The following CASKIN1 variants were observed in gnomAD, a reference collection of about 807,000 sequenced individuals.
CASKIN1 encodes caskin-1.
CASKIN1 carries 42 observed loss-of-function variants against 117.5 expected under a neutral mutation model. The ratio of observed to expected loss-of-function variants is 0.36; its 90% confidence interval spans 0.28 to 0.46. The LOEUF is 0.46. Ranked by LOEUF, CASKIN1 falls within the 20% of genes least tolerant of loss-of-function variation. The pLI, the probability that CASKIN1 is intolerant of heterozygous loss-of-function variation, is 1.00. For missense variants in CASKIN1, 2,083 were observed against 2,077.3 expected, an observed-to-expected ratio of 1.00 and a Z score of -0.05; for synonymous variants, 1,148 against 961.7, an observed-to-expected ratio of 1.19 and a Z score of -3.59.
In CASKIN1 at chr16:2,180,569, G is replaced by A. The variant is rs756252877; in HGVS notation, c.2799C>T (p.Ser933=). 3 of 1,564,218 alleles carry A rather than the reference G, an allele frequency of 1.9e-6. No individual in the cohort carries two copies. In the Admixed American group the frequency reaches 5.5e-5, roughly 29 times the overall value. ...TTCGGGGCCGCACGGCAAAGGACTG[G>A]CTGCGGTTGACGTTCTTGTCGGCAC... ...PAGADKNVNR[S]QSFAVRPRKK... is the part of the protein sequence containing the mutation. Residue 933 remains serine, a synonymous_variant, in exon 18 of 20, where the codon AGC becomes AGT. Transcript: ENST00000343516.
chr16:2,188,535 G>C (rs749942222), intron 6 of CASKIN1, among the ~76,000 whole-genome samples: 2 of 151,494 alleles, frequency 1.3e-5, no homozygotes, highest in South Asian at 4.2e-4. Context: ...ATTTTTTGTA[G>C]AGATGGGGTC....
Position 2,181,870 on chromosome 16 carries a change from C to A in CASKIN1, c.1689G>T (p.Val563=). 6.2e-7 allele frequency: 1 copy of A among 1,613,806 alleles called. No homozygotes were observed. The highest frequency in any genetic ancestry group is 1.3e-5 in the African/African-American group (1 of 75,000). Residue 563 remains valine, a synonymous_variant, in exon 17 of 20, where the codon GTG becomes GTT. Transcript: ENST00000343516. ...AATCAATGTTCTCGTAGCCATTGTC[C>A]ACCAACACCTTGTAGTACTGGGCCA... ...IGLAQYYKVL[V]DNGYENIDFI...
At chr16:2,184,059 C>T in intron 14 of CASKIN1, 118 bp from the exon 15 acceptor site, 2 of 655,772 alleles carry the variant, frequency 3.0e-6, no homozygotes, top group East Asian at 5.6e-5. Context: ...CCGTCCGCTG[C>T]TCCATCTGCA....
In CASKIN1 at chr16:2,178,456, C is replaced by A; in HGVS notation, c.*94G>T. ...TGTGCTTCTGCAGGGCCCTGCCCGG[C>A]CGCTCGCGCCGCGCCCAGACGCGCC... On this transcript the variant is annotated 3_prime_UTR_variant, in exon 20 of 20. Coordinates refer to ENST00000343516, the MANE Select transcript of CASKIN1 (RefSeq NM_020764.4). 1 of 1,006,522 alleles carries A rather than the reference C, an allele frequency of 9.9e-7. No homozygotes were observed. Among genetic ancestry groups the A allele is most frequent in the Non-Finnish European group, 1.4e-6 (1 of 733,444 alleles). The allele number at this position is 1,006,522 out of a possible 1,614,324, so 62.3% of individuals were successfully genotyped here.
At chr16:2,189,953 T>G in intron 3 of CASKIN1, 120 bp downstream of exon 3, 2 of 797,582 alleles carry the variant, frequency 2.5e-6, no homozygotes, top group Non-Finnish European at 3.9e-6. Context: ...CAGGAGGACC[T>G]GCCTGAAATC....
Position 2,180,570 on chromosome 16 carries a change from C to T in CASKIN1, c.2798G>A (p.Ser933Asn), listed in dbSNP as rs2093164058. ...TCGGGGCCGCACGGCAAAGGACTGG[C>T]TGCGGTTGACGTTCTTGTCGGCACC... Reference protein sequence around the residue: ...PAGADKNVNRSQSFAVRPRKK... With the variant: ...PAGADKNVNRNQSFAVRPRKK... Residue 933 changes from serine (S) to asparagine (N), a missense_variant, in exon 18 of 20, where the codon AGC becomes AAC. Ser to Asn is a conservative substitution (Grantham distance 46). Transcript: ENST00000343516. 6.4e-7 allele frequency: 1 copy of T among 1,564,804 alleles called. No homozygotes were observed. Among genetic ancestry groups the T allele is most frequent in the Non-Finnish European group, 8.6e-7 (1 of 1,162,154 alleles).
chr16:2,186,572 A>C (rs184043396), intron 10 of CASKIN1, 135 bp downstream of exon 10: 1 of 689,424 alleles, frequency 1.5e-6, no homozygotes, highest in East Asian at 2.6e-5. Context: ...GGGCACCCTG[A>C]TGCTCCCCAC....
intron 1 of CASKIN1, among the ~76,000 whole-genome samples, chr16:2,193,349 G>A (rs1320942010): frequency 3.9e-5 from 6 of 152,316 alleles, no homozygotes; most frequent in Non-Finnish European, 7.4e-5. Context: ...GGGGCCCTGC[G>A]TTTACATTTT....
intron 6 of CASKIN1, among the ~76,000 whole-genome samples, chr16:2,188,190 T>C (rs1018997958): frequency 6.6e-6 from 1 of 151,436 alleles, no homozygotes; most frequent in Non-Finnish European, 1.5e-5. Context: ...TCAGCTGCTT[T>C]TTTTATAAAA....
chr16:2,194,982 C>T (rs1054137479), intron 1 of CASKIN1, among the ~76,000 whole-genome samples: 2 of 152,222 alleles, frequency 1.3e-5, no homozygotes, highest in African/African-American at 2.4e-5. Flanking sequence ...ATCCTACAGA[C>T]GAGGAGACTG....
intron 14 of CASKIN1, 30 bp downstream of exon 14, chr16:2,184,747 C>A: frequency 6.8e-7 from 1 of 1,468,352 alleles, no homozygotes; most frequent in Non-Finnish European, 9.0e-7. Context: ...TCCCCGGAGC[C>A]CACGCTGAGA....
rs781690534 is a variant in CASKIN1, at chr16:2,190,186, G to A, written c.147-16C>T. On this transcript the variant is annotated splice_polypyrimidine_tract_variant and intron_variant, in intron 2 of 19. Coordinates refer to ENST00000343516, the MANE Select transcript of CASKIN1 (RefSeq NM_020764.4). Reference sequence around the variant, plus strand: ...AGCCGAGAAGCTGGCACGTGCAGAGGACACATAGAGCAGAGGCCCTGGCGC... The same window carrying A: ...AGCCGAGAAGCTGGCACGTGCAGAGAACACATAGAGCAGAGGCCCTGGCGC... 1.9e-6 allele frequency: 3 copies of A among 1,612,532 alleles called. No individual in the cohort carries two copies. Among genetic ancestry groups the A allele is most frequent in the South Asian group, 2.2e-5 (2 of 91,020 alleles).
chr16:2,178,275 G>GCCCTC lies in CASKIN1; in HGVS notation c.*270_*274dup, dbSNP rs897344147. On this transcript the variant is annotated 3_prime_UTR_variant, in exon 20 of 20. Transcript: ENST00000343516. ...GCTGCCCCATCCCTGGTCCCGGGGC[G>GCCCTC]CCCTCCCCTCCCGCGCGGGCAGGAG... 2.5e-6 allele frequency: 1 copy of GCCCTC among 397,292 alleles called. No homozygotes were observed. Among genetic ancestry groups the GCCCTC allele is most frequent in the African/African-American group, 2.2e-5 (1 of 45,834 alleles). 24.6% of individuals were successfully genotyped at this position (397,292 alleles called of 1,614,324 possible). A position where few individuals can be genotyped will look rare whatever the true frequency, so the allele number is the denominator to read the frequency against.
intron 6 of CASKIN1, chr16:2,188,799 C>G (rs1174994924): frequency 3.4e-6 from 2 of 582,234 alleles, no homozygotes; most frequent in African/African-American, 1.9e-5. Context: ...CTCGAGCACA[C>G]CCAGGAGCGG....
At chr16:2,187,570 T>C (rs1412010560) in intron 6 of CASKIN1, 109 bp from the exon 7 acceptor site, 4 of 846,172 alleles carry the variant, frequency 4.7e-6, no homozygotes, top group Middle Eastern at 6.8e-4. Context: ...GCTTGGGGGC[T>C]GAGGACCGTC....
chr16:2,179,751 G>C lies in CASKIN1; in HGVS notation c.3617C>G (p.Ala1206Gly). 6.4e-7 allele frequency: 1 copy of C among 1,558,578 alleles called. No individual in the cohort carries two copies. The highest frequency in any genetic ancestry group is 8.6e-7 in the Non-Finnish European group (1 of 1,157,558). Residue 1206 changes from alanine to glycine, a missense_variant, in exon 18 of 20, where the codon GCG (alanine) becomes GGG (glycine). Physicochemically the swap from Ala to Gly is moderately conservative, Grantham distance 60. Coordinates refer to ENST00000343516, the MANE Select transcript of CASKIN1 (RefSeq NM_020764.4). The surrounding 1 kb of genome is among the most constrained non-coding windows in gnomAD (Gnocchi z 5.8). ...PPAEPPPTDLAHLPPLPPPEG... is the reference protein window; with the variant it reads ...PPAEPPPTDLGHLPPLPPPEG... ...GGGCGGGGGCAATGGGGGTAGGTGC[G>C]CCAGGTCGGTGGGCGGGGGTTCGGC...
rs773622978 is a variant in CASKIN1 at position 2,189,409 on chromosome 16, C to G, written c.390+10G>C. On this transcript the variant is annotated intron_variant, in intron 4 of 19. Transcript: ENST00000343516. The stretch of plus-strand genomic sequence containing the variant: ...CCGCCCCCGCTGCCCCGCCCCCGCT[C>G]GGGCCTCACCACATCATAGTGACCA... 6.2e-7 allele frequency: 1 copy of G among 1,610,430 alleles called. No homozygotes were observed. Among genetic ancestry groups the G allele is most frequent in the Admixed American group, 1.7e-5 (1 of 59,844 alleles).
At position 2,182,311 on chromosome 16, in the gene CASKIN1, C is replaced by T. The variant is rs895348869; in HGVS notation, c.1630-382G>A. 2.0e-5 allele frequency among the ~76,000 whole-genome samples: 3 copies of T among 152,112 alleles called. No individual in the cohort carries two copies. The highest frequency in any genetic ancestry group is 2.9e-5 in the Non-Finnish European group (2 of 68,020). ...TACAGGAACACGCACATGATTTGCA[C>T]GCTGCGCTCCCAGCCGTGCACAGGC... On this transcript the variant is annotated intron_variant, in intron 16 of 19. Coordinates refer to ENST00000343516, the MANE Select transcript of CASKIN1 (RefSeq NM_020764.4). This position sits in a 1 kb window ranked among gnomAD's most constrained non-coding sequence, Gnocchi z 4.1.
chr16:2,178,047 A>T lies in CASKIN1; in HGVS notation c.*503T>A. 1 of 460,842 alleles carries T rather than the reference A, an allele frequency of 2.2e-6. No individual in the cohort carries two copies. Among genetic ancestry groups the T allele is most frequent in the Non-Finnish European group, 4.1e-6 (1 of 244,670 alleles). 28.5% of individuals were successfully genotyped at this position (460,842 alleles called of 1,614,324 possible). On this transcript the variant is annotated 3_prime_UTR_variant, in exon 20 of 20. Coordinates refer to ENST00000343516, the MANE Select transcript of CASKIN1 (RefSeq NM_020764.4). ...ATAATATTTCTTTCTTTAAATATATATTTGTTAAAGTTATACCTTTTTGTT... is the reference window on the plus strand; with the variant it reads ...ATAATATTTCTTTCTTTAAATATATTTTTGTTAAAGTTATACCTTTTTGTT...
Sources: gnomAD v4.1 joint callset for allele counts (sites outside exome capture counted in the v4.1 genomes callset) on GRCh38, gnomAD v4.1.1 for gene constraint, Gnocchi (gnomAD v3.1) non-coding constraint, MANE v1.5 for transcripts, NCBI Gene and HGNC (gene_info 2026-07-23, HGNC 2026-07-21) for gene names.